ZMYM2: variants seen among roughly 807,000 people sequenced by gnomAD.
ZMYM2 encodes zinc finger MYM-type protein 2.
ZMYM2 carries 56 observed loss-of-function variants against 162.8 expected under a neutral mutation model. That is an observed-to-expected ratio of 0.34 (90% CI 0.28 to 0.43). ZMYM2 has a LOEUF of 0.43. Ranked by LOEUF, ZMYM2 falls within the 20% of genes least tolerant of loss-of-function variation. The probability of loss-of-function intolerance (pLI) is 1.00; values close to 1 mark genes in which losing one functional copy is unlikely to be tolerated. For synonymous variants in ZMYM2, 510 were observed against 541.6 expected (o/e 0.94, Z 0.81); for missense variants, 1,275 against 1,621.8 (o/e 0.79, Z 3.67).
intron 10 of ZMYM2, among the ~76,000 whole-genome samples, chr13:20,033,219 A>T (rs1953363564): frequency 6.6e-6 from 1 of 152,090 alleles, no homozygotes. Context: ...CATACACTGA[A>T]TTTTGATACT....
the ZMYM2 span, among the ~76,000 whole-genome samples, chr13:19,951,644 G>A: frequency 6.6e-6 from 1 of 151,816 alleles, no homozygotes; most frequent in Non-Finnish European, 1.5e-5. Context: ...GGGTGTTGCA[G>A]TGAGCTGAGA....
intron 2 of ZMYM2, among the ~76,000 whole-genome samples, chr13:19,976,196 C>T (rs7999835): frequency 2.6e-5 from 4 of 151,784 alleles, no homozygotes; most frequent in African/African-American, 9.7e-5. Context: ...GGTGTGCTGG[C>T]GCGTGCCTGT....
chr13:19,883,035 T>C, the ZMYM2 span, among the ~76,000 whole-genome samples: 1 of 152,106 alleles, frequency 6.6e-6, no homozygotes, highest in Non-Finnish European at 1.5e-5. Context: ...ATAAACAAAA[T>C]GTGGTCTATA....
At chr13:19,882,018 C>A in the ZMYM2 span, among the ~76,000 whole-genome samples, 1,805 of 149,914 alleles carry the variant, frequency 0.012, 39 homozygotes, top group African/African-American at 0.041. Flanking sequence ...ATATTTTTAC[C>A]AAAATTATAT....
chr13:19,866,600 G>C, the ZMYM2 span, among the ~76,000 whole-genome samples: 3 of 152,180 alleles, frequency 2.0e-5, no homozygotes, highest in Non-Finnish European at 4.4e-5. Flanking sequence ...GGGAGGTGGG[G>C]TTGCGGTGAG....
the ZMYM2 span, among the ~76,000 whole-genome samples, chr13:19,918,601 C>T: frequency 7.0e-6 from 1 of 143,702 alleles, no homozygotes; most frequent in African/African-American, 2.6e-5. Flanking sequence ...CGGGTTCAAG[C>T]GATTCTCCTG....
the ZMYM2 span, among the ~76,000 whole-genome samples, chr13:19,927,956 C>A: frequency 2.0e-5 from 3 of 152,018 alleles, no homozygotes; most frequent in Non-Finnish European, 4.4e-5. Flanking sequence ...GAACTCTGTT[C>A]ATATTTTTGC....
intron 21 of ZMYM2, among the ~76,000 whole-genome samples, chr13:20,077,605 TACATATAGAAATTTATTC>T (rs1305175324): frequency 1.4e-5 from 2 of 141,370 alleles, no homozygotes; most frequent in Non-Finnish European, 2.9e-5. Flanking sequence ...AGTTTTGAAG[TACATATAGAAATTTATTC>T]AGCAAAGGGA....
At chr13:19,999,389 A>AT (rs1950237451) in intron 3 of ZMYM2, among the ~76,000 whole-genome samples, 2 of 152,072 alleles carry the variant, frequency 1.3e-5, no homozygotes, top group Admixed American at 1.3e-4. Context: ...CATTGTTATT[A>AT]TATCTGTTAC....
chr13:19,880,454 A>AG, the ZMYM2 span, among the ~76,000 whole-genome samples: 1 of 150,646 alleles, frequency 6.6e-6, no homozygotes, highest in Non-Finnish European at 1.5e-5. Context: ...TTTGAGATGG[A>AG]GTCTCACTCT....
the ZMYM2 span, among the ~76,000 whole-genome samples, chr13:19,933,351 T>C: frequency 6.6e-6 from 1 of 152,206 alleles, no homozygotes; most frequent in African/African-American, 2.4e-5. Flanking sequence ...GTTGTTGTTG[T>C]TGTAACTTAT....
intron 3 of ZMYM2, among the ~76,000 whole-genome samples, chr13:19,996,316 C>T (rs967673507): frequency 6.6e-6 from 1 of 152,170 alleles, no homozygotes; most frequent in Non-Finnish European, 1.5e-5. Context: ...CATGGTGGCT[C>T]ATGCCTGTCA....
At chr13:19,965,401 A>G in intron 2 of ZMYM2, 1 of 470,702 alleles carries the variant, frequency 2.1e-6, no homozygotes, top group Non-Finnish European at 3.5e-6. Context: ...TTTTCCTAGG[A>G]AGAATAGTGT....
At position 20,007,651 on chromosome 13, in the gene ZMYM2, C is replaced by T. The variant is rs191191857; in HGVS notation, c.1512+1065C>T. ...TTTTTTTTTTTTTAAAGACAAGTTT[C>T]GCTCTGTTGCCCAGGCTGGAGTGCA... is the stretch of plus-strand genomic sequence containing the variant. On this transcript the variant is annotated intron_variant, in intron 6 of 24. Transcript: ENST00000610343. 7.1e-4 allele frequency among the ~76,000 whole-genome samples: 92 copies of T among 129,932 alleles called. No individual in the cohort carries two copies. The East Asian group carries it at 0.02, about 29-fold the overall frequency. The allele number at this position is 129,932 out of a possible 152,430, so 85.2% of individuals were successfully genotyped here.
intron 6 of ZMYM2, among the ~76,000 whole-genome samples, chr13:20,011,565 A>ATTTTT (rs1951180817): frequency 3.0e-5 from 4 of 133,822 alleles, no homozygotes; most frequent in African/African-American, 9.2e-5. Context: ...AGAAGTTTTT[A>ATTTTT]TTTTTTTGTT....
chr13:19,967,889 C>G (rs1955946535), intron 2 of ZMYM2, among the ~76,000 whole-genome samples: 1 of 152,180 alleles, frequency 6.6e-6, no homozygotes, highest in South Asian at 2.1e-4. Context: ...TTAGTGTGTG[C>G]TTATCTGGTA....
At chr13:20,055,586 A>G (rs1955729696) in intron 14 of ZMYM2, among the ~76,000 whole-genome samples, 1 of 152,176 alleles carries the variant, frequency 6.6e-6, no homozygotes, top group South Asian at 2.1e-4. Context: ...TTATGGAGAA[A>G]ATACTGTTAG....
chr13:20,046,581 A>ATATATATATATATG (rs1270115549), intron 12 of ZMYM2, among the ~76,000 whole-genome samples: 1 of 117,514 alleles, frequency 8.5e-6, no homozygotes, highest in Admixed American at 1.0e-4. Context: ...ATATATATAT[A>ATATATATATATATG]TGTGTGTGTG....
the ZMYM2 span, among the ~76,000 whole-genome samples, chr13:19,873,539 G>GC: frequency 6.6e-6 from 1 of 152,062 alleles, no homozygotes; most frequent in Admixed American, 6.6e-5. Flanking sequence ...CTCCTGAATA[G>GC]CTGTGATTAC....
Sources: gnomAD v4.1 joint callset for allele counts (sites outside exome capture counted in the v4.1 genomes callset) on GRCh38, gnomAD v4.1.1 for gene constraint, MANE v1.5 for transcripts, NCBI Gene and HGNC (gene_info 2026-07-23, HGNC 2026-07-21) for gene names.